Variants in BCAS2 observed in about 807,000 individuals in gnomAD.
BCAS2 encodes pre-mRNA-splicing factor SPF27.
A neutral mutation model predicts 35.3 loss-of-function variants in BCAS2; 34 were observed. The ratio of observed to expected loss-of-function variants is 0.96; its 90% confidence interval spans 0.73 to 1.28. The LOEUF (loss-of-function observed/expected upper bound fraction) is 1.28. Ranked by LOEUF, BCAS2 falls within the 50% of genes most tolerant of loss-of-function variation. The pLI is 0.00. For synonymous variants in BCAS2, 75 were observed against 91.6 expected (o/e 0.82, Z 1.03); for missense variants, 221 against 268.1 (o/e 0.82, Z 1.23).
chr1:114,570,592 T>C (rs755852196), intron 5 of BCAS2, 108 bp downstream of exon 5: 1 of 777,968 alleles, frequency 1.3e-6, no homozygotes, highest in South Asian at 1.7e-5. Flanking sequence ...AGTGGATCAA[T>C]TGTTTACTTT....
At chr1:114,572,201 C>A (rs1654662798) in intron 4 of BCAS2, among the ~76,000 whole-genome samples, 1 of 152,218 alleles carries the variant, frequency 6.6e-6, no homozygotes, top group Non-Finnish European at 1.5e-5. Flanking sequence ...CCTCTACTGA[C>A]TGGTTTCCTT....
intron 4 of BCAS2, among the ~76,000 whole-genome samples, chr1:114,572,300 C>T (rs948332812): frequency 2.6e-5 from 4 of 152,168 alleles, no homozygotes; most frequent in East Asian, 1.9e-4. Context: ...TCCTTGACTT[C>T]GACAATCACT....
intron 6 of BCAS2, among the ~76,000 whole-genome samples, chr1:114,569,733 TA>T (rs2101625890): frequency 6.6e-6 from 1 of 151,804 alleles, no homozygotes; most frequent in East Asian, 1.9e-4. Flanking sequence ...AATACTAGAC[TA>T]AAAACAGGGT....
chr1:114,579,469 A>C (rs1356848229), intron 2 of BCAS2, among the ~76,000 whole-genome samples: 1 of 152,222 alleles, frequency 6.6e-6, no homozygotes, highest in African/African-American at 2.4e-5. Flanking sequence ...ATAAGGAAGC[A>C]TTACTGTACT....
At chr1:114,570,569 G>T (rs1223762347) in intron 5 of BCAS2, 131 bp downstream of exon 5, 5 of 691,926 alleles carry the variant, frequency 7.2e-6, no homozygotes, top group Non-Finnish European at 1.2e-5. Flanking sequence ...AGTGTCAGAT[G>T]TTGAACAAAG....
chr1:114,576,851 T>C (rs1483430085), intron 2 of BCAS2, 93 bp from the exon 3 acceptor site: 1 of 858,434 alleles, frequency 1.2e-6, no homozygotes, highest in East Asian at 2.7e-5. Context: ...ACACTACCCA[T>C]TATAATGAAT....
chr1:114,581,455 A>C (rs775967805), intron 1 of BCAS2, 44 bp downstream of exon 1: 1 of 1,613,988 alleles, frequency 6.2e-7, no homozygotes, highest in South Asian at 1.1e-5. Context: ...TTCAGTACCG[A>C]GCCAGCTAGC....
At chr1:114,571,448 T>C (rs981104049) in intron 4 of BCAS2, among the ~76,000 whole-genome samples, 8 of 152,110 alleles carry the variant, frequency 5.3e-5, no homozygotes, top group African/African-American at 1.7e-4. Context: ...CTCAACCTCC[T>C]GGGCTCAACT....
intron 4 of BCAS2, among the ~76,000 whole-genome samples, chr1:114,571,579 G>A (rs1654645069): frequency 6.6e-6 from 1 of 152,018 alleles, no homozygotes; most frequent in Non-Finnish European, 1.5e-5. Context: ...GGCTGGTCTT[G>A]AACTCCTGGG....
chr1:114,576,876 T>A, intron 2 of BCAS2, 118 bp from the exon 3 acceptor site: 1 of 685,130 alleles, frequency 1.5e-6, no homozygotes, highest in Non-Finnish European at 2.4e-6. Flanking sequence ...TACCTTTCCC[T>A]AATTCTTCTC....
intron 6 of BCAS2, 140 bp downstream of exon 6, chr1:114,569,852 G>A (rs1459253289): frequency 1.5e-6 from 1 of 662,252 alleles, no homozygotes; most frequent in African/African-American, 1.8e-5. Context: ...AAGAGGCAGA[G>A]ACGGGGAAGG....
chr1:114,581,432 G>T (rs1654887631), intron 1 of BCAS2, 41 bp from the exon 2 acceptor site: 8 of 1,613,922 alleles, frequency 5.0e-6, no homozygotes, highest in African/African-American at 4.0e-5. Context: ...GTGGCAAATT[G>T]TAACATGTTT....
At chr1:114,573,142 A>C (rs902010796) in intron 4 of BCAS2, among the ~76,000 whole-genome samples, 107 of 133,942 alleles carry the variant, frequency 8.0e-4, no homozygotes, top group African/African-American at 2.9e-3. Flanking sequence ...AAAAAAAAAA[A>C]AAAAAAAAAC....
At chr1:114,574,786 G>A (rs900565994) in intron 4 of BCAS2, among the ~76,000 whole-genome samples, 2 of 152,142 alleles carry the variant, frequency 1.3e-5, no homozygotes, top group African/African-American at 4.8e-5. Flanking sequence ...CCTTTCATAT[G>A]GGTTGCAGTT....
chr1:114,581,168 T>A lies in BCAS2; in HGVS notation c.186+131A>T, dbSNP rs1038319013. On this transcript the variant is annotated intron_variant, in intron 2 of 6. Coordinates refer to ENST00000369541, the MANE Select transcript of BCAS2 (RefSeq NM_005872.3). ...GACTTATCTATCTAGTTGTTTTCAA[T>A]AGACTGACACCTATACAGTAGGTAA... 3.5e-5 allele frequency: 31 copies of A among 896,256 alleles called. No homozygotes were observed. The South Asian group carries it at 3.5e-4, about 10-fold the overall frequency. The allele number at this position is 896,256 out of a possible 1,614,324, so 55.5% of individuals were successfully genotyped here.
intron 4 of BCAS2, among the ~76,000 whole-genome samples, chr1:114,573,122 CAAAAAAAAAAAAAAAAA>C (rs34796829): frequency 4.7e-4 from 3 of 6,368 alleles, no homozygotes; most frequent in African/African-American, 1.2e-3. Context: ...CCCCCACCTC[CAAAAAAAAAAAAAAAAA>C]AAAAAAAAAA....
chr1:114,579,480 T>C (rs531149429), intron 2 of BCAS2, among the ~76,000 whole-genome samples: 2 of 152,050 alleles, frequency 1.3e-5, no homozygotes, highest in South Asian at 4.2e-4. Context: ...TTACTGTACT[T>C]AGTTCTTAAT....
chr1:114,575,168 G>A (rs1013334979), intron 4 of BCAS2, among the ~76,000 whole-genome samples: 14 of 140,706 alleles, frequency 9.9e-5, no homozygotes, highest in South Asian at 6.9e-4. Context: ...CACCGCGCCC[G>A]GCTTTTCTTT....
At chr1:114,571,370 G>A (rs1050252499) in intron 4 of BCAS2, among the ~76,000 whole-genome samples, 2 of 151,528 alleles carry the variant, frequency 1.3e-5, no homozygotes, top group East Asian at 1.9e-4. Context: ...TTTTTTTTGC[G>A]GAGGGGAGGG....
Sources: gnomAD v4.1 joint callset for allele counts (sites outside exome capture counted in the v4.1 genomes callset) on GRCh38, gnomAD v4.1.1 for gene constraint, MANE v1.5 for transcripts, NCBI Gene and HGNC (gene_info 2026-07-23, HGNC 2026-07-21) for gene names.